CFAP221: variants seen among roughly 807,000 people sequenced by gnomAD.
CFAP221 encodes cilia and flagella associated protein 221.
Under a neutral mutation model 113.1 loss-of-function variants are expected in CFAP221, and 97 were observed. That is an observed-to-expected ratio of 0.86 (90% confidence interval 0.73 to 1.02). The LOEUF (loss-of-function observed/expected upper bound fraction) is 1.02. CFAP221 is among the 50% of genes least tolerant of loss of function. The pLI, the probability that CFAP221 is intolerant of heterozygous loss-of-function variation, is 0.00. For synonymous variants in CFAP221, 331 were observed against 354.4 expected, an observed-to-expected ratio of 0.93 and a Z score of 0.74; for missense variants, 1,025 against 1,013.4, an observed-to-expected ratio of 1.01 and a Z score of -0.16.
chr2:119,549,738 A>G (rs995792043), intron 3 of CFAP221, among the ~76,000 whole-genome samples: 5 of 152,168 alleles, frequency 3.3e-5, no homozygotes, highest in African/African-American at 1.2e-4. Flanking sequence ...ATGCCTAATC[A>G]GTCACTCTGG....
chr2:119,580,196 A>G (rs1431107577), intron 6 of CFAP221: 1 of 152,128 alleles, frequency 6.6e-6, no homozygotes, highest in Non-Finnish European at 1.5e-5. Flanking sequence ...GAAACATCTC[A>G]CAGAGTGAAG....
At chr2:119,549,805 G>T (rs1288741411) in intron 3 of CFAP221, among the ~76,000 whole-genome samples, 3 of 152,202 alleles carry the variant, frequency 2.0e-5, no homozygotes, top group Admixed American at 2.0e-4. Context: ...TGAAGAACAG[G>T]CTCCTGAAGA....
At chr2:119,588,987 G>C (rs1396051847) in intron 7 of CFAP221, among the ~76,000 whole-genome samples, 3 of 152,176 alleles carry the variant, frequency 2.0e-5, no homozygotes, top group African/African-American at 7.2e-5. Flanking sequence ...AATCAGGAAA[G>C]TGCAGTGCAG....
intron 11 of CFAP221, among the ~76,000 whole-genome samples, 164 bp downstream of exon 11, chr2:119,605,453 G>A (rs992511672): frequency 6.6e-6 from 1 of 152,226 alleles, no homozygotes; most frequent in Non-Finnish European, 1.5e-5. Context: ...TTTCTATTAG[G>A]AATAAATATA....
rs917358786 is a variant in CFAP221, at chr2:119,639,782, A to G, written c.2135A>G (p.Asp712Gly). 3 of 1,612,384 alleles carry G rather than the reference A, an allele frequency of 1.9e-6. No individual in the cohort carries two copies. The highest frequency in any genetic ancestry group is 3.3e-5 in the Admixed American group (2 of 60,026). The change falls in exon 21 of 24, where the codon GAC (aspartate) becomes GGC (glycine). Residue 712 changes from aspartate to glycine, a missense_variant and splice_region_variant. By Grantham distance (94) the Asp-to-Gly change is moderately conservative. Transcript: ENST00000413369. The part of the protein sequence containing the change: ...VTQKQFLHHT[D>G]IIPGIMHWKS... ...CCCATGTGCTGACTTTCCTTACAGGACATTATTCCCGGAATAATGCACTGG... is the reference window on the plus strand; with the variant it reads ...CCCATGTGCTGACTTTCCTTACAGGGCATTATTCCCGGAATAATGCACTGG...
intron 6 of CFAP221, among the ~76,000 whole-genome samples, chr2:119,566,907 T>C (rs1176330299): frequency 6.6e-6 from 1 of 152,238 alleles, no homozygotes; most frequent in African/African-American, 2.4e-5. Flanking sequence ...GCATAAAATT[T>C]ACCATCTTAA....
chr2:119,656,282 C>A, intron 23 of CFAP221, 80 bp from the exon 24 acceptor site: 1 of 1,105,744 alleles, frequency 9.0e-7, no homozygotes, highest in Non-Finnish European at 1.4e-6. Context: ...CCGACCTTCA[C>A]CAGCACTGCT....
At chr2:119,640,248 C>T (rs1687403000) in intron 21 of CFAP221, among the ~76,000 whole-genome samples, 1 of 151,774 alleles carries the variant, frequency 6.6e-6, no homozygotes, top group Non-Finnish European at 1.5e-5. Flanking sequence ...CATAAATTGC[C>T]AAGATTAGCC....
rs1288685952 is a variant in CFAP221 at position 119,546,264 on chromosome 2, G to A, written c.133G>A (p.Glu45Lys). The part of the protein sequence containing the change: ...KRKEVPNHLL[E>K]SKVYAKLVNN... ...AAAAGAAGTACCTAATCACCTCCTA[G>A]AATCAAGTAAGTGGCTAGAAGACAG... Residue 45 changes from glutamate to lysine, a missense_variant, in exon 2 of 24, where the codon GAA becomes AAA. By Grantham distance (56) the Glu-to-Lys change is moderately conservative. Transcript: ENST00000413369. The A allele has an allele frequency of 1.3e-6, 2 of 1,533,708 alleles. No individual in the cohort carries two copies. The highest frequency in any genetic ancestry group is 4.0e-5 in the Admixed American group (2 of 50,478).
chr2:119,585,373 C>T (rs183235549), intron 6 of CFAP221, among the ~76,000 whole-genome samples: 1 of 152,204 alleles, frequency 6.6e-6, no homozygotes, highest in Admixed American at 6.5e-5. Context: ...AGAGACATGC[C>T]ATGTTCATAG....
In CFAP221 at chr2:119,647,630, G is replaced by T. The variant is rs554814802; in HGVS notation, c.2318+580G>T. ...TCGTACGTCCAGCTCACACGTGTAC[G>T]TCCAGCTGGCTCACCTGGCATTGCC... On this transcript the variant is annotated intron_variant, in intron 22 of 23. Transcript: ENST00000413369. 2.7e-3 allele frequency among the ~76,000 whole-genome samples: 413 copies of T among 152,204 alleles called. 3 individuals are homozygous for T. Among genetic ancestry groups the T allele is most frequent in the African/African-American group, 9.5e-3 (396 of 41,538 alleles).
chr2:119,644,204 A>G (rs549786786), intron 21 of CFAP221, among the ~76,000 whole-genome samples: 1 of 152,220 alleles, frequency 6.6e-6, no homozygotes, highest in Non-Finnish European at 1.5e-5. Context: ...AACAAATTTT[A>G]AAAATGCCCA....
intron 7 of CFAP221, among the ~76,000 whole-genome samples, chr2:119,594,237 T>C (rs1683798052): frequency 6.6e-6 from 1 of 151,942 alleles, no homozygotes; most frequent in Non-Finnish European, 1.5e-5. Flanking sequence ...CTCTTTTTCA[T>C]GTGTATTTTT....
At chr2:119,571,751 C>A (rs1383340152) in intron 6 of CFAP221, among the ~76,000 whole-genome samples, 2 of 152,190 alleles carry the variant, frequency 1.3e-5, no homozygotes, top group East Asian at 3.9e-4. Flanking sequence ...AGCCACCACA[C>A]CCAGCCTAAC....
intron 6 of CFAP221, among the ~76,000 whole-genome samples, chr2:119,570,621 A>C (rs966148678): frequency 1.3e-5 from 2 of 152,302 alleles, no homozygotes; most frequent in Admixed American, 1.3e-4. Context: ...GAACCATACA[A>C]CATGAGGTCT....
intron 7 of CFAP221, among the ~76,000 whole-genome samples, chr2:119,591,859 C>T (rs1683621830): frequency 6.6e-6 from 1 of 151,960 alleles, no homozygotes; most frequent in Admixed American, 6.6e-5. Context: ...CAACACTGGT[C>T]TGGGGTAGGT....
chr2:119,602,638 A>C (rs1188551517), intron 8 of CFAP221: 6 of 985,396 alleles, frequency 6.1e-6, no homozygotes, highest in Non-Finnish European at 4.8e-6. Flanking sequence ...CAACTGTAGG[A>C]TATTAGTGTG....
At chr2:119,639,533 T>C (rs1018868712) in intron 20 of CFAP221, among the ~76,000 whole-genome samples, 1 of 152,246 alleles carries the variant, frequency 6.6e-6, no homozygotes, top group African/African-American at 2.4e-5. Flanking sequence ...CGAGGACATG[T>C]TGCTTGTGCA....
intron 19 of CFAP221, among the ~76,000 whole-genome samples, chr2:119,631,274 A>G (rs981102753): frequency 1.3e-5 from 2 of 152,242 alleles, no homozygotes; most frequent in African/African-American, 2.4e-5. Flanking sequence ...AAAAGAAGAA[A>G]AGTTTCAAGT....
Sources: gnomAD v4.1 joint callset for allele counts (sites outside exome capture counted in the v4.1 genomes callset) on GRCh38, gnomAD v4.1.1 for gene constraint, MANE v1.5 for transcripts, NCBI Gene and HGNC (gene_info 2026-07-23, HGNC 2026-07-21) for gene names.